Variants in STAU2 observed in about 807,000 individuals in gnomAD.
STAU2 encodes the protein staufen double-stranded RNA binding protein 2.
A neutral mutation model predicts 65.9 loss-of-function variants in STAU2; 20 were observed. The ratio of observed to expected loss-of-function variants is 0.30; its 90% CI spans 0.21 to 0.44. The LOEUF is 0.44. Among genes scored for constraint, STAU2 ranks in the 20% least tolerant of loss-of-function variants. The probability of loss-of-function intolerance (pLI) is 1.00; values close to 1 mark genes in which losing one functional copy is unlikely to be tolerated. For missense variants in STAU2, 558 were observed against 683.9 expected (o/e 0.82, Z 2.05); for synonymous variants, 232 against 233.9 (o/e 0.99, Z 0.07).
intron 6 of STAU2, among the ~76,000 whole-genome samples, chr8:73,645,140 T>C (rs938327548): frequency 1.3e-5 from 2 of 151,982 alleles, no homozygotes; most frequent in African/African-American, 4.8e-5. Context: ...GGGGTTATGG[T>C]GGGGGGAACT....
chr8:73,560,350 G>A (rs765295769), intron 12 of STAU2, among the ~76,000 whole-genome samples: 2 of 152,124 alleles, frequency 1.3e-5, no homozygotes, highest in Non-Finnish European at 2.9e-5. Context: ...AAAGTGCTGG[G>A]ATTACAGGCG....
chr8:73,718,422 C>T (rs1821407319), intron 3 of STAU2, among the ~76,000 whole-genome samples: 1 of 152,120 alleles, frequency 6.6e-6, no homozygotes, highest in African/African-American at 2.4e-5. Context: ...ACAAAAAGCA[C>T]AAACATGCAA....
intron 12 of STAU2, among the ~76,000 whole-genome samples, chr8:73,575,530 T>G (rs1051868842): frequency 6.6e-6 from 1 of 152,318 alleles, no homozygotes; most frequent in South Asian, 2.1e-4. Context: ...AAATTACTTA[T>G]GTATGAGGTT....
At chr8:73,606,894 A>C (rs1422478051) in intron 9 of STAU2, among the ~76,000 whole-genome samples, 1 of 152,192 alleles carries the variant, frequency 6.6e-6, no homozygotes, top group African/African-American at 2.4e-5. Flanking sequence ...CCTGCAAAAA[A>C]ACAGAACTAC....
At chr8:73,601,883 C>T (rs555232904) in intron 10 of STAU2, among the ~76,000 whole-genome samples, 306 of 152,062 alleles carry the variant, frequency 2.0e-3, no homozygotes, top group Non-Finnish European at 3.1e-3. Flanking sequence ...TTTTTTTCTT[C>T]AAGCTTTGGC....
chr8:73,740,309 A>AT (rs1806756714), intron 1 of STAU2, among the ~76,000 whole-genome samples: 1 of 152,248 alleles, frequency 6.6e-6, no homozygotes, highest in Admixed American at 6.5e-5. Flanking sequence ...GCAACAATAA[A>AT]TAAGACTATC....
intron 3 of STAU2, among the ~76,000 whole-genome samples, chr8:73,714,815 C>T (rs1469083449): frequency 6.6e-6 from 1 of 152,178 alleles, no homozygotes; most frequent in African/African-American, 2.4e-5. Context: ...GGCGTGGTGG[C>T]TCACGTCTGG....
In STAU2 at chr8:73,714,183, G is replaced by A. The variant is rs560329986; in HGVS notation, c.-17-5021C>T. Among the ~76,000 whole-genome samples, 6 of 152,162 alleles carry A rather than the reference G, an allele frequency of 3.9e-5. No homozygotes were observed. In the South Asian group the frequency reaches 1.2e-3, roughly 32 times the overall value. On this transcript the variant is annotated intron_variant, in intron 3 of 14. Coordinates refer to ENST00000524300, the MANE Select transcript of STAU2 (RefSeq NM_001164380.2). ...CTCCCGAAGTGGTGGGATTACAGGC[G>A]TGAGCCACCACGCCCGGCCTTAAAC...
At chr8:73,719,714 T>A (rs893274047) in intron 3 of STAU2, among the ~76,000 whole-genome samples, 6 of 152,212 alleles carry the variant, frequency 3.9e-5, no homozygotes, top group Non-Finnish European at 7.3e-5. Flanking sequence ...TGAATTAGAT[T>A]TGCTGAAACT....
chr8:73,743,749 C>T (rs1297110018), intron 1 of STAU2, among the ~76,000 whole-genome samples: 6 of 149,382 alleles, frequency 4.0e-5, no homozygotes, highest in African/African-American at 1.5e-4. Context: ...GCTGGGATTA[C>T]AAGCATGAGC....
At chr8:73,724,697 T>C (rs1240897135) in intron 3 of STAU2, among the ~76,000 whole-genome samples, 1 of 149,154 alleles carries the variant, frequency 6.7e-6, no homozygotes, top group Non-Finnish European at 1.5e-5. Context: ...ATATATTTTT[T>C]TTTTTTTTCT....
rs78692741 is a variant in STAU2 at position 73,550,867 on chromosome 8, C to T, written c.1530+1145G>A. On this transcript the variant is annotated intron_variant, in intron 13 of 14. Transcript: ENST00000524300. ...GGTTCGGTGAAGTGAAAAAAAAATC[C>T]GAACATGCAAAATACCCCCCAAAAC... 2,469 of 987,382 alleles carry T rather than the reference C, an allele frequency of 2.5e-3. 37 individuals carry two copies. The African/African-American group carries it at 0.04, about 16-fold the overall frequency. The allele number at this position is 987,382 out of a possible 1,614,324, so 61.2% of individuals were successfully genotyped here. A position where few individuals can be genotyped will look rare whatever the true frequency, so the allele number is the denominator to read the frequency against.
chr8:73,473,454 T>C (rs1193035633), intron 13 of STAU2, among the ~76,000 whole-genome samples: 2 of 152,220 alleles, frequency 1.3e-5, no homozygotes, highest in East Asian at 1.9e-4. Context: ...TATGTGGTCT[T>C]AGTCACATGG....
At chr8:73,673,441 T>A (rs1005466154) in intron 5 of STAU2, among the ~76,000 whole-genome samples, 199 bp from the exon 6 acceptor site, 1 of 152,166 alleles carries the variant, frequency 6.6e-6, no homozygotes, top group Non-Finnish European at 1.5e-5. Context: ...GATTTTGCAA[T>A]GTTTTCTGTA....
intron 10 of STAU2, among the ~76,000 whole-genome samples, chr8:73,601,813 AT>A (rs1811648061): frequency 6.6e-6 from 1 of 152,208 alleles, no homozygotes; most frequent in Admixed American, 6.5e-5. Flanking sequence ...GTAGAAAAGG[AT>A]TTGTTTAATA....
chr8:73,720,871 T>TTGGAAA (rs1821607537), intron 3 of STAU2, among the ~76,000 whole-genome samples: 1 of 152,068 alleles, frequency 6.6e-6, no homozygotes, highest in African/African-American at 2.4e-5. Context: ...TTACTTATAT[T>TTGGAAA]TTTTAATTTC....
intron 13 of STAU2, among the ~76,000 whole-genome samples, chr8:73,484,122 A>G (rs116454188): frequency 0.02 from 3,027 of 152,270 alleles, 92 homozygotes; most frequent in African/African-American, 0.07. Flanking sequence ...AATGACCATG[A>G]GGTCATCAAG....
chr8:73,498,139 C>T (rs908052357), intron 13 of STAU2, among the ~76,000 whole-genome samples: 1 of 151,812 alleles, frequency 6.6e-6, no homozygotes, highest in African/African-American at 2.4e-5. Context: ...GCCAGCCTGC[C>T]ACATAATACT....
intron 3 of STAU2, among the ~76,000 whole-genome samples, chr8:73,721,503 G>A (rs2130709882): frequency 6.6e-6 from 1 of 152,156 alleles, no homozygotes; most frequent in East Asian, 1.9e-4. Flanking sequence ...ATTGACAGGG[G>A]TTACTAAAAT....
Sources: allele counts gnomAD v4.1 joint callset (sites outside exome capture counted in the v4.1 genomes callset), GRCh38; gene constraint gnomAD v4.1.1; transcripts MANE v1.5; gene names NCBI Gene and HGNC (gene_info 2026-07-23, HGNC 2026-07-21).